PIK3C2B: variants seen among roughly 807,000 people sequenced by gnomAD.
The protein encoded by PIK3C2B is phosphatidylinositol 4-phosphate 3-kinase C2 domain-containing subunit beta.
Under a neutral mutation model 184.3 loss-of-function variants are expected in PIK3C2B, and 83 were observed. The observed-to-expected ratio is 0.45, with a 90% CI of 0.38 to 0.54. PIK3C2B has a LOEUF of 0.54. PIK3C2B is among the 20% of genes least tolerant of loss of function. The pLI, the probability that PIK3C2B is intolerant of heterozygous loss-of-function variation, is 0.00. For missense variants in PIK3C2B, 1,736 were observed against 2,113.5 expected (o/e 0.82, Z 3.50); for synonymous variants, 779 against 837.6 (o/e 0.93, Z 1.21).
At chr1:204,439,503 C>T (rs532758136) in intron 22 of PIK3C2B, among the ~76,000 whole-genome samples, 1 of 152,304 alleles carries the variant, frequency 6.6e-6, no homozygotes, top group Non-Finnish European at 1.5e-5. Context: ...CTTTATTTCA[C>T]TCATAAATAT....
chr1:204,449,412 T>A, intron 13 of PIK3C2B, 116 bp from the exon 14 acceptor site: 1 of 748,436 alleles, frequency 1.3e-6, no homozygotes, highest in Non-Finnish European at 2.3e-6. Context: ...CCAACTCCCC[T>A]CTCATTCTCA....
chr1:204,491,870 C>G (rs1387255671), intron 1 of PIK3C2B, among the ~76,000 whole-genome samples: 1 of 152,198 alleles, frequency 6.6e-6, no homozygotes, highest in Non-Finnish European at 1.5e-5. Flanking sequence ...ATTATCCTCT[C>G]TATAGGCAGT....
intron 30 of PIK3C2B, 92 bp downstream of exon 30, chr1:204,428,047 G>C (rs1674841650): frequency 2.7e-6 from 2 of 743,744 alleles, no homozygotes; most frequent in Non-Finnish European, 4.7e-6. Flanking sequence ...GCAAGTCAAG[G>C]AGAGAGAACT....
intron 1 of PIK3C2B, among the ~76,000 whole-genome samples, chr1:204,493,524 A>AAC (rs3038310): frequency 0.01 from 1,470 of 143,968 alleles, 17 homozygotes; most frequent in South Asian, 0.024. Flanking sequence ...AATGGCAGAA[A>AAC]ACACACACAC....
In PIK3C2B at chr1:204,449,981, C is replaced by A. The variant is rs1654215093; in HGVS notation, c.2103G>T (p.Arg701=). 2 of 1,591,414 alleles carry A rather than the reference C, an allele frequency of 1.3e-6. No individual in the cohort carries two copies. Among genetic ancestry groups the A allele is most frequent in the Middle Eastern group, 1.7e-4 (1 of 6,028 alleles). ...CFPVQVNRLP[R]ETLLCATLYA... is the part of the protein sequence containing the mutation. ...AGAGAGTGGCACACAGCAGTGTCTCCCGAGGCAGCCGGTTCACCTGCACTG... is the reference window on the plus strand; with the variant it reads ...AGAGAGTGGCACACAGCAGTGTCTCACGAGGCAGCCGGTTCACCTGCACTG... The change falls in exon 13 of 33, where the codon CGG becomes CGT. Residue 701 remains arginine, a synonymous_variant. Transcript: ENST00000684373.
At chr1:204,452,406 T>C (rs946750092) in intron 12 of PIK3C2B, among the ~76,000 whole-genome samples, 2 of 140,636 alleles carry the variant, frequency 1.4e-5, no homozygotes, top group African/African-American at 5.2e-5. Flanking sequence ...GCCTCCTAAG[T>C]AGCTGGAACC....
intron 28 of PIK3C2B, among the ~76,000 whole-genome samples, chr1:204,431,075 G>A (rs914837113): frequency 1.1e-4 from 17 of 152,098 alleles, no homozygotes; most frequent in African/African-American, 2.9e-4. Context: ...TGCAACCATC[G>A]CCACTATCCA....
At chr1:204,492,530 C>A (rs1658072764) in intron 1 of PIK3C2B, among the ~76,000 whole-genome samples, 1 of 152,104 alleles carries the variant, frequency 6.6e-6, no homozygotes, top group African/African-American at 2.4e-5. Flanking sequence ...GATATAGATG[C>A]AAAGCACCAG....
intron 27 of PIK3C2B, 152 bp downstream of exon 27, chr1:204,432,048 C>T: frequency 1.3e-6 from 1 of 755,244 alleles, no homozygotes; most frequent in Non-Finnish European, 2.2e-6. Flanking sequence ...ATCACGTGAG[C>T]AAAGGAGAGG....
chr1:204,475,590 T>C (rs1052566067), intron 1 of PIK3C2B, among the ~76,000 whole-genome samples: 5 of 152,098 alleles, frequency 3.3e-5, no homozygotes, highest in Admixed American at 1.3e-4. Context: ...CCAGGTTGGA[T>C]TGGCATCTGT....
rs1480903481 is a variant in PIK3C2B at position 204,469,598 on chromosome 1, T to C, written c.205A>G (p.Ser69Gly). The C allele has an allele frequency of 1.2e-6, 2 of 1,601,904 alleles. No individual in the cohort carries two copies. Among genetic ancestry groups the C allele is most frequent in the Non-Finnish European group, 1.7e-6 (2 of 1,172,850 alleles). ...TCGGTCCGCCTTCCTGCTGGCTTGCTGTAAAAGTCTACCCCAGGCTCATCC... is the reference window on the plus strand; with the variant it reads ...TCGGTCCGCCTTCCTGCTGGCTTGCCGTAAAAGTCTACCCCAGGCTCATCC... The part of the protein sequence containing the change: ...SWDEPGVDFY[S>G]KPAGRRTDLK... The change falls in exon 2 of 33, where the codon AGC becomes GGC. Residue 69 changes from serine to glycine, a missense_variant. Ser to Gly is a moderately conservative substitution (Grantham distance 56). This residue lies in a region of PIK3C2B where 404 missense variants were observed against 418.0 expected (regional missense o/e 0.97). Coordinates refer to ENST00000684373, the MANE Select transcript of PIK3C2B (RefSeq NM_001377334.1).
At position 204,455,856 on chromosome 1, in the gene PIK3C2B, C is replaced by T; in HGVS notation, c.1943G>A (p.Ser648Asn). 6.2e-7 allele frequency: 1 copy of T among 1,609,288 alleles called. No individual in the cohort carries two copies. The highest frequency in any genetic ancestry group is 8.5e-7 in the Non-Finnish European group (1 of 1,177,228). The change falls in exon 11 of 33, where the codon AGC becomes AAC. Residue 648 changes from serine to asparagine, a missense_variant and splice_region_variant. Ser to Asn is a conservative substitution (Grantham distance 46, BLOSUM62 1). Coordinates refer to ENST00000684373, the MANE Select transcript of PIK3C2B (RefSeq NM_001377334.1). ...THRIPIIWAT[S>N]YEDFYLSCSL... The stretch of plus-strand genomic sequence containing the variant: ...AGCGGCTACTCAGCCCTGGGCTCAC[C>T]TGGTAGCCCAGATGATGGGGATGCG...
intron 1 of PIK3C2B, among the ~76,000 whole-genome samples, chr1:204,470,230 C>T (rs370984122): frequency 2.7e-5 from 4 of 148,158 alleles, no homozygotes; most frequent in African/African-American, 5.0e-5. Flanking sequence ...TGCAATGGTG[C>T]GATCTCGGCT....
At position 204,489,924 on chromosome 1, in the gene PIK3C2B, G is replaced by A. The variant is rs61760614; in HGVS notation, c.-85+4432C>T. 1,013 of 395,646 alleles carry A rather than the reference G, an allele frequency of 2.6e-3. 8 individuals are homozygous for A. Among genetic ancestry groups the A allele is most frequent in the African/African-American group, 0.02 (938 of 47,520 alleles). The allele number at this position is 395,646 out of a possible 1,614,324, so 24.5% of individuals were successfully genotyped here. A position where few individuals can be genotyped will look rare whatever the true frequency, so the allele number is the denominator to read the frequency against. On this transcript the variant is annotated intron_variant, in intron 1 of 32. Transcript: ENST00000684373. ...TTATAACTTACGGTTTGCTGCAAAG[G>A]ACGCCATCTAGTATGAGAGAAAGAG...
chr1:204,455,210 C>G (rs1328150494), intron 11 of PIK3C2B, among the ~76,000 whole-genome samples: 1 of 152,228 alleles, frequency 6.6e-6, no homozygotes, highest in Non-Finnish European at 1.5e-5. Flanking sequence ...TGGCTCATGA[C>G]AGGTGCCTGA....
Position 204,443,418 on chromosome 1 carries a change from T to C in PIK3C2B, c.3047A>G (p.Gln1016Arg), listed in dbSNP as rs1217547478. 6.2e-7 allele frequency: 1 copy of C among 1,613,792 alleles called. No individual in the cohort carries two copies. Residue 1016 changes from glutamine (Q) to arginine (R), a missense_variant and splice_region_variant, in exon 19 of 33, where the codon CAG (glutamine) becomes CGG (arginine). Gln to Arg is a conservative substitution (Grantham distance 43). Coordinates refer to ENST00000684373, the MANE Select transcript of PIK3C2B (RefSeq NM_001377334.1). Reference sequence around the variant, plus strand: ...TAGGGGCAGCCTCACCCCACTAACCTGCCTTGCAGATGGGGCTGCCTCCCG... The same window carrying C: ...TAGGGGCAGCCTCACCCCACTAACCCGCCTTGCAGATGGGGCTGCCTCCCG... The part of the protein sequence containing the change: ...QVREAAPSAR[Q>R]GILRTGLEEV...
chr1:204,463,814 C>G (rs1008049280), intron 5 of PIK3C2B, among the ~76,000 whole-genome samples, 198 bp downstream of exon 5: 7 of 152,000 alleles, frequency 4.6e-5, no homozygotes, highest in Admixed American at 4.6e-4. Context: ...AGACTTGGCT[C>G]AGGACGTCAG....
intron 1 of PIK3C2B, among the ~76,000 whole-genome samples, chr1:204,487,691 T>A (rs528778459): frequency 1.1e-3 from 162 of 152,312 alleles, no homozygotes; most frequent in African/African-American, 3.9e-3. Flanking sequence ...GTTTCTATAA[T>A]CTCTAGGAAA....
Position 204,449,860 on chromosome 1 carries a change from T to G in PIK3C2B, c.2224A>C (p.Asn742His), listed in dbSNP as rs768377912. 3.1e-6 allele frequency: 5 copies of G among 1,610,208 alleles called. No homozygotes were observed. The highest frequency in any genetic ancestry group is 4.2e-6 in the Non-Finnish European group (5 of 1,178,186). Residue 742 changes from asparagine (N) to histidine (H), a missense_variant, in exon 13 of 33, where the codon AAC (asparagine) becomes CAC (histidine). Asn to His is a moderately conservative substitution (Grantham distance 68). Transcript: ENST00000684373. ...CTGGGGCTCACATACTGCCTGAAGT[T>G]GAAGAGTGGGGTAGTGACCCAGCCC... ...ALGWVTTPLF[N>H]FRQVLTCGRK...
Sources: allele counts gnomAD v4.1 joint callset (sites outside exome capture counted in the v4.1 genomes callset), GRCh38; gene constraint gnomAD v4.1.1; regional missense constraint gnomAD v4.1.1; transcripts MANE v1.5; gene names NCBI Gene and HGNC (gene_info 2026-07-23, HGNC 2026-07-21).